GALNT2: variants seen among roughly 807,000 people sequenced by gnomAD.
The protein encoded by GALNT2 is polypeptide N-acetylgalactosaminyltransferase 2.
GALNT2 carries 31 observed loss-of-function variants against 81.4 expected under a neutral mutation model. The observed-to-expected ratio is 0.38, with a 90% CI of 0.29 to 0.51. The LOEUF is 0.51. Among genes scored for constraint, GALNT2 ranks in the 20% least tolerant of loss-of-function variants. The pLI is 0.87. For missense variants in GALNT2, 629 were observed against 765.7 expected (o/e 0.82, Z 2.11); for synonymous variants, 303 against 287.4 (o/e 1.05, Z -0.55).
At chr1:230,219,879 A>G (rs547848586) in intron 3 of GALNT2, among the ~76,000 whole-genome samples, 2 of 152,276 alleles carry the variant, frequency 1.3e-5, no homozygotes, top group South Asian at 4.1e-4. Flanking sequence ...CCCTTGCTTG[A>G]GACCTTGCCA....
chr1:230,088,520 C>T (rs541610478), intron 1 of GALNT2, among the ~76,000 whole-genome samples: 1 of 151,116 alleles, frequency 6.6e-6, no homozygotes, highest in African/African-American at 2.4e-5. Flanking sequence ...AGTTGTACAG[C>T]TACCACTTCT....
intron 2 of GALNT2, among the ~76,000 whole-genome samples, chr1:230,188,594 T>C (rs1473580062): frequency 6.6e-6 from 1 of 152,236 alleles, no homozygotes; most frequent in Non-Finnish European, 1.5e-5. Context: ...TATTCTCAGA[T>C]TGGAATCACC....
rs1280063207 is a variant in GALNT2, at chr1:230,207,880, C to T, written c.374+4590C>T. Among the ~76,000 whole-genome samples the T allele has an allele frequency of 2.0e-5, 3 of 152,186 alleles. 1 individual carries two copies. Among genetic ancestry groups the T allele is most frequent in the Non-Finnish European group, 4.4e-5 (3 of 68,020 alleles). ...GTAAGTGTGAGCCACGGCATTCAGC[C>T]CCATCCTAGTTTTGAAAGCACCATT... is the stretch of plus-strand genomic sequence containing the variant. On this transcript the variant is annotated intron_variant, in intron 3 of 15. Coordinates refer to ENST00000366672, the MANE Select transcript of GALNT2 (RefSeq NM_004481.5).
At chr1:230,213,334 T>C (rs1318890373) in intron 3 of GALNT2, among the ~76,000 whole-genome samples, 1 of 152,244 alleles carries the variant, frequency 6.6e-6, no homozygotes, top group Non-Finnish European at 1.5e-5. Flanking sequence ...ATTTTAGACC[T>C]GTTTGTGAGT....
rs71723195 is a variant in GALNT2, at chr1:230,188,974, C to CGGGG, written c.220+10665_220+10668dup. The stretch of plus-strand genomic sequence containing the variant: ...GCTGGCAGAAGGACTGGCAAAGGAG[C>CGGGG]GGGGGCCGGAAGAGGAGCAGGGGCC... On this transcript the variant is annotated intron_variant, in intron 2 of 15. Coordinates refer to ENST00000366672, the MANE Select transcript of GALNT2 (RefSeq NM_004481.5). Among the ~76,000 whole-genome samples, 26 of 151,948 alleles carry CGGGG rather than the reference C, an allele frequency of 1.7e-4. No homozygotes were observed. In the East Asian group the frequency reaches 2.1e-3, roughly 13 times the overall value.
chr1:230,196,439 A>G (rs1422493433), intron 2 of GALNT2, among the ~76,000 whole-genome samples: 2 of 152,112 alleles, frequency 1.3e-5, no homozygotes, highest in African/African-American at 4.8e-5. Flanking sequence ...GGCTGTTCTG[A>G]TCAACTTGGG....
intron 2 of GALNT2, among the ~76,000 whole-genome samples, chr1:230,186,718 A>T (rs1442195299): frequency 6.6e-6 from 1 of 152,236 alleles, no homozygotes; most frequent in Non-Finnish European, 1.5e-5. Flanking sequence ...TCTGCCTTTC[A>T]TATCCTTAAC....
At chr1:230,120,201 C>A (rs576563206) in intron 1 of GALNT2, among the ~76,000 whole-genome samples, 1 of 152,264 alleles carries the variant, frequency 6.6e-6, no homozygotes, top group African/African-American at 2.4e-5. Flanking sequence ...AAAGGCTACA[C>A]CTGGGATTCT....
chr1:230,136,376 G>A (rs1661541502), intron 1 of GALNT2, among the ~76,000 whole-genome samples: 1 of 152,236 alleles, frequency 6.6e-6, no homozygotes, highest in East Asian at 1.9e-4. Flanking sequence ...CTCCAGGAGA[G>A]AGTGGGGCCT....
At chr1:230,260,164 C>A (rs914463759) in intron 11 of GALNT2, among the ~76,000 whole-genome samples, 16 of 152,192 alleles carry the variant, frequency 1.1e-4, no homozygotes, top group African/African-American at 3.9e-4. Flanking sequence ...GGATGCCCAA[C>A]TTGTAATAGA....
At chr1:230,126,283 C>T (rs111262668) in intron 1 of GALNT2, among the ~76,000 whole-genome samples, 12 of 152,082 alleles carry the variant, frequency 7.9e-5, no homozygotes, top group Admixed American at 6.5e-5. Context: ...AGGGCCAGTT[C>T]GGCGGGGGCA....
chr1:230,168,892 C>T (rs939813657), intron 1 of GALNT2, among the ~76,000 whole-genome samples: 1 of 152,236 alleles, frequency 6.6e-6, no homozygotes, highest in East Asian at 1.9e-4. Flanking sequence ...CCCTTGTGTT[C>T]TTTTTCTGTT....
chr1:230,135,133 C>T (rs950827618), intron 1 of GALNT2, among the ~76,000 whole-genome samples: 1 of 152,066 alleles, frequency 6.6e-6, no homozygotes, highest in Non-Finnish European at 1.5e-5. Context: ...GATGCATTCC[C>T]CATTTCAGAG....
At chr1:230,085,866 G>A (rs1659884109) in intron 1 of GALNT2, among the ~76,000 whole-genome samples, 1 of 152,196 alleles carries the variant, frequency 6.6e-6, no homozygotes, top group Non-Finnish European at 1.5e-5. Flanking sequence ...AGACGTTGGG[G>A]GTGAAGGATG....
intron 1 of GALNT2, among the ~76,000 whole-genome samples, chr1:230,103,948 C>A (rs1660469732): frequency 6.6e-6 from 1 of 152,206 alleles, no homozygotes; most frequent in Non-Finnish European, 1.5e-5. Context: ...CGACTGTTTC[C>A]TTCTTCAGCA....
At chr1:230,123,686 G>A (rs1661090700) in intron 1 of GALNT2, among the ~76,000 whole-genome samples, 2 of 152,234 alleles carry the variant, frequency 1.3e-5, no homozygotes, top group South Asian at 2.1e-4. Context: ...TACTTTCTAC[G>A]ATTATGGAAA....
At chr1:230,206,262 A>G (rs1164954765) in intron 3 of GALNT2, among the ~76,000 whole-genome samples, 3 of 152,058 alleles carry the variant, frequency 2.0e-5, no homozygotes, top group Non-Finnish European at 4.4e-5. Context: ...AGTCCCCAAA[A>G]CTATATGTAC....
At chr1:230,128,005 C>G (rs550469338) in intron 1 of GALNT2, among the ~76,000 whole-genome samples, 1 of 137,342 alleles carries the variant, frequency 7.3e-6, no homozygotes, top group African/African-American at 2.9e-5. Context: ...GATGCAGGCA[C>G]AGACTGAATG....
At chr1:230,208,764 A>G (rs1315894667) in intron 3 of GALNT2, among the ~76,000 whole-genome samples, 3 of 152,212 alleles carry the variant, frequency 2.0e-5, no homozygotes, top group Admixed American at 1.3e-4. Flanking sequence ...AAGCTATGCG[A>G]CTGTGAAGCT....
Sources: allele counts gnomAD v4.1 joint callset (sites outside exome capture counted in the v4.1 genomes callset), GRCh38; gene constraint gnomAD v4.1.1; transcripts MANE v1.5; gene names NCBI Gene and HGNC (gene_info 2026-07-23, HGNC 2026-07-21).